CLEC16A: variants seen among roughly 807,000 people sequenced by gnomAD.
CLEC16A encodes protein CLEC16A.
Under a neutral mutation model 109.5 loss-of-function variants are expected in CLEC16A, and 51 were observed. The observed-to-expected ratio is 0.47, with a 90% CI of 0.37 to 0.59. The LOEUF (loss-of-function observed/expected upper bound fraction) is 0.59. Ranked by LOEUF, CLEC16A falls within the 20% of genes least tolerant of loss-of-function variation. The pLI is 0.00. For synonymous variants in CLEC16A, 673 were observed against 564.2 expected (o/e 1.19, Z -2.73); for missense variants, 1,339 against 1,394.0 (o/e 0.96, Z 0.63).
chr16:11,174,024 G>C lies in CLEC16A; in HGVS notation c.2807-4311G>C. On this transcript the variant is annotated intron_variant, in intron 23 of 23. Coordinates refer to ENST00000409790, the MANE Select transcript of CLEC16A (RefSeq NM_015226.3). This position sits in a 1 kb window ranked among gnomAD's most constrained non-coding sequence, Gnocchi z 4.7. ...CACCGGTGGCCACAAGCCCATGCTG[G>C]GCACTGCCCCACGACCCTCGCCCCT... 1 of 364,300 alleles carries C rather than the reference G, an allele frequency of 2.7e-6. No homozygotes were observed. The highest frequency in any genetic ancestry group is 2.0e-5 in the South Asian group (1 of 50,528). 22.6% of individuals were successfully genotyped at this position (364,300 alleles called of 1,614,324 possible). A position where few individuals can be genotyped will look rare whatever the true frequency, so the allele number is the denominator to read the frequency against.
intron 20 of CLEC16A, among the ~76,000 whole-genome samples, chr16:11,121,487 C>A (rs887000925): frequency 6.6e-6 from 1 of 152,138 alleles, no homozygotes; most frequent in Non-Finnish European, 1.5e-5. Flanking sequence ...AATTCCCTTC[C>A]GCTCAACGTC....
chr16:10,985,134 C>G (rs1337525836), intron 10 of CLEC16A, among the ~76,000 whole-genome samples: 1 of 145,716 alleles, frequency 6.9e-6, no homozygotes, highest in African/African-American at 2.6e-5. Context: ...ACCCAGGAGG[C>G]GGAGCTTGCA....
chr16:11,114,507 C>T (rs535053359), intron 19 of CLEC16A, among the ~76,000 whole-genome samples: 2 of 152,252 alleles, frequency 1.3e-5, no homozygotes, highest in South Asian at 2.1e-4. Context: ...CGTCTGCCAC[C>T]AAGTCCTTCC....
chr16:11,041,260 T>G (rs992918769), intron 14 of CLEC16A: 3 of 152,212 alleles, frequency 2.0e-5, no homozygotes, highest in Admixed American at 6.5e-5. Flanking sequence ...CTATATAAAG[T>G]GTTCGGCACT....
intron 15 of CLEC16A, 47 bp downstream of exon 15, chr16:11,042,410 C>G (rs1359249679): frequency 1.4e-6 from 2 of 1,390,802 alleles, no homozygotes; most frequent in African/African-American, 2.9e-5. Flanking sequence ...GGGAGAGGGA[C>G]AGGAGGACAG....
intron 23 of CLEC16A, among the ~76,000 whole-genome samples, chr16:11,171,918 C>T (rs1216000080): frequency 6.8e-6 from 1 of 146,900 alleles, no homozygotes; most frequent in Non-Finnish European, 1.5e-5. Context: ...TCACACACAC[C>T]AGTACACATA....
intron 19 of CLEC16A, among the ~76,000 whole-genome samples, chr16:11,100,644 ACTGACCCT>A (rs1358690514): frequency 1.3e-5 from 2 of 152,186 alleles, no homozygotes; most frequent in Non-Finnish European, 2.9e-5. Flanking sequence ...CAAGTCAGTT[ACTGACCCT>A]CTCAGGGTCT....
chr16:11,148,637 A>G (rs577067411), intron 22 of CLEC16A, among the ~76,000 whole-genome samples: 1 of 152,198 alleles, frequency 6.6e-6, no homozygotes, highest in African/African-American at 2.4e-5. Context: ...ACCAAAGCCC[A>G]CCATCTTAGC....
At position 11,155,937 on chromosome 16, in the gene CLEC16A, C is replaced by G. The variant is rs117466286; in HGVS notation, c.2642-10451C>G. On this transcript the variant is annotated intron_variant, in intron 22 of 23. Coordinates refer to ENST00000409790, the MANE Select transcript of CLEC16A (RefSeq NM_015226.3). ...AGACTAATTCCCTGGCCCCTTTGTA[C>G]AGTGCCACCTCCTAGAACACACGGA... Among the ~76,000 whole-genome samples the G allele has an allele frequency of 9.7e-3, 1,476 of 152,318 alleles. 10 individuals are homozygous for G. The highest frequency in any genetic ancestry group is 0.015 in the Non-Finnish European group (1,008 of 68,018).
At chr16:11,095,465 C>T (rs2050550699) in intron 19 of CLEC16A, among the ~76,000 whole-genome samples, 1 of 152,130 alleles carries the variant, frequency 6.6e-6, no homozygotes, top group Non-Finnish European at 1.5e-5. Context: ...GAACAGAGTC[C>T]AGGCAGTCAG....
intron 13 of CLEC16A, among the ~76,000 whole-genome samples, chr16:11,030,360 A>C (rs1369195451): frequency 6.6e-6 from 1 of 152,236 alleles, no homozygotes; most frequent in African/African-American, 2.4e-5. Context: ...GTTTTCCAAG[A>C]TGCCTATATA....
chr16:11,045,041 A>C lies in CLEC16A; in HGVS notation c.1815+969A>C, dbSNP rs181120994. Among the ~76,000 whole-genome samples, 702 of 151,136 alleles carry C rather than the reference A, an allele frequency of 4.6e-3. 5 individuals carry two copies. Among genetic ancestry groups the C allele is most frequent in the Middle Eastern group, 0.018 (5 of 284 alleles). On this transcript the variant is annotated intron_variant, in intron 16 of 23. Transcript: ENST00000409790. ...ACCATAAACTGGGTAGCTTATAAAC[A>C]ATAGACATTTACTTCTGGGCCGGGC...
At chr16:11,050,916 C>G (rs1330899528) in intron 17 of CLEC16A, among the ~76,000 whole-genome samples, 1 of 152,240 alleles carries the variant, frequency 6.6e-6, no homozygotes, top group Non-Finnish European at 1.5e-5. Flanking sequence ...CACAGAGGCC[C>G]TGGAGCAAGA....
At chr16:11,044,954 C>A (rs891547134) in intron 16 of CLEC16A, among the ~76,000 whole-genome samples, 3 of 151,688 alleles carry the variant, frequency 2.0e-5, no homozygotes, top group Admixed American at 6.6e-5. Flanking sequence ...AACTAATTGC[C>A]GTGGTTTTGT....
intron 19 of CLEC16A, among the ~76,000 whole-genome samples, chr16:11,100,687 G>C (rs2050866488): frequency 6.6e-6 from 1 of 152,180 alleles, no homozygotes; most frequent in African/African-American, 2.4e-5. Context: ...GTAATGTGCA[G>C]ATAATGGTAC....
At chr16:10,948,331 G>T (rs1270002924) in intron 1 of CLEC16A, among the ~76,000 whole-genome samples, 2 of 152,136 alleles carry the variant, frequency 1.3e-5, no homozygotes, top group African/African-American at 4.8e-5. Flanking sequence ...TTCCTGTTAG[G>T]GTTTTACTTT....
intron 10 of CLEC16A, among the ~76,000 whole-genome samples, chr16:10,984,063 C>T (rs77504659): frequency 0.012 from 1,830 of 152,192 alleles, 22 homozygotes; most frequent in Non-Finnish European, 0.02. Flanking sequence ...ATAAAGGTTT[C>T]CTCTCTGCAG....
chr16:11,071,753 ATTTTTTTTTT>A (rs71136611), intron 19 of CLEC16A, among the ~76,000 whole-genome samples: 1 of 61,282 alleles, frequency 1.6e-5, no homozygotes, highest in African/African-American at 7.6e-5. Flanking sequence ...CACCTGGCTG[ATTTTTTTTTT>A]TTTTTTTTTT....
intron 22 of CLEC16A, chr16:11,156,981 G>GCAGA (rs2054556681): frequency 1.1e-6 from 1 of 909,742 alleles, no homozygotes; most frequent in Admixed American, 3.5e-5. Context: ...GCCCTCACAG[G>GCAGA]CAGACCTTCA....
Sources: allele counts gnomAD v4.1 joint callset (sites outside exome capture counted in the v4.1 genomes callset), GRCh38; gene constraint gnomAD v4.1.1; non-coding constraint Gnocchi (gnomAD v3.1); transcripts MANE v1.5; gene names NCBI Gene and HGNC (gene_info 2026-07-23, HGNC 2026-07-21).